The following TMEM45A variants were observed in gnomAD, a reference collection of about 807,000 sequenced individuals.
TMEM45A encodes transmembrane protein 45A.
TMEM45A carries 25 observed loss-of-function variants against 32.0 expected under a neutral mutation model. The observed-to-expected ratio is 0.78, with a 90% confidence interval of 0.57 to 1.09. The LOEUF (loss-of-function observed/expected upper bound fraction) is 1.09, where lower values mean the gene tolerates loss of function less well. TMEM45A is among the 50% of genes least tolerant of loss of function. The pLI, the probability that TMEM45A is intolerant of heterozygous loss-of-function variation, is 0.00. For missense variants in TMEM45A, 302 were observed against 325.0 expected (o/e 0.93, Z 0.54); for synonymous variants, 122 against 114.8 (o/e 1.06, Z -0.40).
In TMEM45A at chr3:100,561,395, G is replaced by C. The variant is rs114308450; in HGVS notation, c.588+2806G>C. On this transcript the variant is annotated intron_variant, in intron 4 of 5. Transcript: ENST00000323523. ...AGGGATTAGATAAAACATCCACCTA[G>C]ACTCTTGGAACCGTAAGTATGGAGA... 8.7e-3 allele frequency among the ~76,000 whole-genome samples: 1,328 copies of C among 152,192 alleles called. 19 individuals carry two copies. Among genetic ancestry groups the C allele is most frequent in the African/African-American group, 0.03 (1,248 of 41,508 alleles).
At chr3:100,502,354 A>G (rs998965666) in intron 1 of TMEM45A, among the ~76,000 whole-genome samples, 1 of 152,160 alleles carries the variant, frequency 6.6e-6, no homozygotes, top group Non-Finnish European at 1.5e-5. Context: ...ATTCAGACTA[A>G]TGATCATGGC....
intron 1 of TMEM45A, among the ~76,000 whole-genome samples, chr3:100,544,336 T>C (rs73860688): frequency 0.01 from 1,570 of 152,282 alleles, 35 homozygotes; most frequent in African/African-American, 0.036. Context: ...GCAGAAGTGA[T>C]ATTTCTTCCC....
chr3:100,530,092 T>G (rs1257062906), intron 1 of TMEM45A, among the ~76,000 whole-genome samples: 1 of 152,226 alleles, frequency 6.6e-6, no homozygotes, highest in East Asian at 1.9e-4. Context: ...ACATACTGAT[T>G]ACCCCGTTTC....
chr3:100,573,208 C>T (rs1465031855), intron 5 of TMEM45A: 8 of 151,218 alleles, frequency 5.3e-5, no homozygotes, highest in African/African-American at 7.3e-5. Flanking sequence ...GCCATTTTCA[C>T]GATATTGATT....
At chr3:100,553,457 TA>T (rs1706149234) in intron 1 of TMEM45A, among the ~76,000 whole-genome samples, 1 of 152,168 alleles carries the variant, frequency 6.6e-6, no homozygotes, top group Admixed American at 6.5e-5. Context: ...TACTAAGAAA[TA>T]TAAAATGTTT....
chr3:100,498,381 A>G (rs944239449), intron 1 of TMEM45A, among the ~76,000 whole-genome samples: 2 of 152,228 alleles, frequency 1.3e-5, no homozygotes, highest in Non-Finnish European at 2.9e-5. Flanking sequence ...CATCTAATCA[A>G]TTGAAGGCCT....
intron 1 of TMEM45A, among the ~76,000 whole-genome samples, chr3:100,544,079 T>G (rs1211956279): frequency 1.4e-5 from 2 of 139,624 alleles, no homozygotes; most frequent in Admixed American, 7.0e-5. Flanking sequence ...TTTTAAGTGG[T>G]TTTTTTTTTT....
chr3:100,524,315 C>T (rs1705498666), intron 1 of TMEM45A, among the ~76,000 whole-genome samples: 1 of 152,256 alleles, frequency 6.6e-6, no homozygotes, highest in Admixed American at 6.5e-5. Context: ...TAATACCTCT[C>T]TTACCAGGGT....
At chr3:100,497,050 G>A (rs1026733168) in intron 1 of TMEM45A, among the ~76,000 whole-genome samples, 1 of 152,090 alleles carries the variant, frequency 6.6e-6, no homozygotes, top group Non-Finnish European at 1.5e-5. Flanking sequence ...TCTGGATTTG[G>A]CATCTATCTT....
chr3:100,493,887 G>A (rs1417707315), intron 1 of TMEM45A, among the ~76,000 whole-genome samples: 9 of 151,870 alleles, frequency 5.9e-5, no homozygotes, highest in South Asian at 2.1e-4. Context: ...GGCTGCCACC[G>A]TGCCCAGCTA....
chr3:100,575,820 G>A (rs958893331), intron 5 of TMEM45A, among the ~76,000 whole-genome samples: 6 of 152,260 alleles, frequency 3.9e-5, no homozygotes, highest in African/African-American at 1.4e-4. Context: ...GCAGGAAGTA[G>A]GGGCTGAATT....
At chr3:100,510,723 G>T (rs1708146200) in intron 1 of TMEM45A, among the ~76,000 whole-genome samples, 1 of 152,140 alleles carries the variant, frequency 6.6e-6, no homozygotes, top group African/African-American at 2.4e-5. Flanking sequence ...TGAAAACTTT[G>T]AAAAAAATTT....
At position 100,492,755 on chromosome 3, in the gene TMEM45A, T is replaced by TACCCCCC. The variant is rs1707864096; in HGVS notation, c.-177_-176insACCCCCC. ...CGACTAGGGACCCAAGTTTAAAAAT[T>TACCCCCC]CCTCCCCCCACCCAATGCGAGACGT... On this transcript the variant is annotated 5_prime_UTR_variant, in exon 1 of 6. Transcript: ENST00000323523. 1.4e-5 allele frequency: 2 copies of TACCCCCC among 143,526 alleles called. No homozygotes were observed. The highest frequency in any genetic ancestry group is 2.7e-5 in the African/African-American group (1 of 36,840). The allele number at this position is 143,526 out of a possible 1,614,324, so 8.9% of individuals were successfully genotyped here.
intron 1 of TMEM45A, among the ~76,000 whole-genome samples, chr3:100,534,753 C>T (rs566164087): frequency 6.6e-6 from 1 of 152,326 alleles, no homozygotes; most frequent in Non-Finnish European, 1.5e-5. Context: ...TCCTCCAGCA[C>T]CCCAGAGAAC....
In TMEM45A at chr3:100,515,551, C is replaced by T. The variant is rs536317684; in HGVS notation, c.-4+22623C>T. Among the ~76,000 whole-genome samples the T allele has an allele frequency of 6.7e-4, 101 of 150,678 alleles. 1 individual carries two copies. The South Asian group carries it at 0.019, about 29-fold the overall frequency. ...CTAGATGACGAGTTAGTGGGTGCAG[C>T]GCACCAGCATGGCACATGTATTCAT... On this transcript the variant is annotated intron_variant, in intron 1 of 5. Transcript: ENST00000323523.
chr3:100,501,396 C>T (rs1708005975), intron 1 of TMEM45A, among the ~76,000 whole-genome samples: 1 of 152,154 alleles, frequency 6.6e-6, no homozygotes, highest in Non-Finnish European at 1.5e-5. Flanking sequence ...TGATGGTTGG[C>T]CTGGGTTGAG....
chr3:100,505,767 G>T (rs974210616), intron 1 of TMEM45A, among the ~76,000 whole-genome samples: 2 of 152,200 alleles, frequency 1.3e-5, no homozygotes. Context: ...CAGTCATCAG[G>T]TGATGAACAG....
chr3:100,542,955 T>G (rs911793728), intron 1 of TMEM45A, among the ~76,000 whole-genome samples: 2 of 152,112 alleles, frequency 1.3e-5, no homozygotes, highest in African/African-American at 4.8e-5. Context: ...ACATGGGTGA[T>G]GGAATCATTC....
At chr3:100,519,646 A>C in intron 1 of TMEM45A, 1 of 1,547,066 alleles carries the variant, frequency 6.5e-7, no homozygotes, top group Middle Eastern at 1.7e-4. Context: ...TTGGTGTGAT[A>C]ATGTGAAAAG....
Sources: allele counts gnomAD v4.1 joint callset (sites outside exome capture counted in the v4.1 genomes callset), GRCh38; gene constraint gnomAD v4.1.1; transcripts MANE v1.5; gene names NCBI Gene and HGNC (gene_info 2026-07-23, HGNC 2026-07-21).